Variants in NIPSNAP3B observed in about 807,000 individuals in gnomAD.
The protein encoded by NIPSNAP3B is protein NipSnap homolog 3B.
In NIPSNAP3B, 30 loss-of-function variants were observed where a neutral mutation model predicts 31.5. That is an observed-to-expected ratio of 0.95 (90% CI 0.71 to 1.29). NIPSNAP3B has a LOEUF of 1.29. NIPSNAP3B is among the 50% of genes most tolerant of loss of function. The pLI is 0.00. For synonymous variants in NIPSNAP3B, 106 were observed against 107.9 expected, an observed-to-expected ratio of 0.98 and a Z score of 0.11; for missense variants, 269 against 300.7, an observed-to-expected ratio of 0.89 and a Z score of 0.78.
the NIPSNAP3B span, chr9:104,788,710 C>T: frequency 9.0e-7 from 1 of 1,111,014 alleles, no homozygotes; most frequent in Non-Finnish European, 1.3e-6. Flanking sequence ...CACAGCCTTT[C>T]TGCCCCCAGG....
the NIPSNAP3B span, among the ~76,000 whole-genome samples, chr9:104,787,181 A>G: frequency 6.6e-6 from 1 of 152,204 alleles, no homozygotes; most frequent in Non-Finnish European, 1.5e-5. Flanking sequence ...TGATGCAGGA[A>G]ACTCAAATAT....
At chr9:104,787,399 T>C in the NIPSNAP3B span, among the ~76,000 whole-genome samples, 2 of 152,260 alleles carry the variant, frequency 1.3e-5, no homozygotes, top group East Asian at 3.9e-4. Context: ...ATATTGCAAC[T>C]GTTAGCCTTA....
intron 1 of NIPSNAP3B, 120 bp downstream of exon 1, chr9:104,764,420 C>G (rs1828047403): frequency 2.4e-6 from 2 of 820,790 alleles, no homozygotes; most frequent in Admixed American, 3.3e-5. Context: ...GCGCCGCCGC[C>G]GAAGTTCTAA....
chr9:104,788,899 C>T, the NIPSNAP3B span, among the ~76,000 whole-genome samples: 40,532 of 152,162 alleles, frequency 0.27, 6,312 homozygotes, highest in Non-Finnish European at 0.35. Flanking sequence ...AGGGCTTTAA[C>T]GCTAAGGCCC....
chr9:104,780,649 A>G (rs1828473727), downstream of NIPSNAP3B, among the ~76,000 whole-genome samples: 1 of 152,206 alleles, frequency 6.6e-6, no homozygotes, highest in Non-Finnish European at 1.5e-5. Flanking sequence ...GAATAAACAA[A>G]AGGACACTGA....
chr9:104,782,928 G>GT, the NIPSNAP3B span: 2 of 151,946 alleles, frequency 1.3e-5, no homozygotes, highest in Non-Finnish European at 2.9e-5. Flanking sequence ...TTGTAAACCA[G>GT]TGAGCTGAAT....
At chr9:104,785,534 T>C in the NIPSNAP3B span, 1 of 1,614,142 alleles carries the variant, frequency 6.2e-7, no homozygotes, top group Non-Finnish European at 8.5e-7. Flanking sequence ...GGTGTTTCTC[T>C]TTTAGAACAC....
chr9:104,782,165 T>C (rs947522259), downstream of NIPSNAP3B: 3 of 152,080 alleles, frequency 2.0e-5, no homozygotes, highest in Admixed American at 6.5e-5. Flanking sequence ...TTTTGAAAAA[T>C]ATTAAATGAG....
At chr9:104,772,257 T>A (rs1828238799) in intron 4 of NIPSNAP3B, among the ~76,000 whole-genome samples, 1 of 151,764 alleles carries the variant, frequency 6.6e-6, no homozygotes, top group Non-Finnish European at 1.5e-5. Flanking sequence ...AGATACCATT[T>A]GTCAATTTTT....
the NIPSNAP3B span, chr9:104,784,557 C>G: frequency 2.2e-6 from 3 of 1,379,132 alleles, no homozygotes; most frequent in African/African-American, 2.9e-5. Flanking sequence ...CAAGTAGGAG[C>G]ATACAGAATT....
chr9:104,786,960 C>T, the NIPSNAP3B span: 1 of 1,613,940 alleles, frequency 6.2e-7, no homozygotes, highest in Non-Finnish European at 8.5e-7. Flanking sequence ...GGGATCCATG[C>T]CTGTGGTGGG....
Position 104,769,792 on chromosome 9 carries a change from T to G in NIPSNAP3B, c.430+771T>G, listed in dbSNP as rs544754264. Reference sequence around the variant, plus strand: ...ATCTTTGCTTGTAAACTGACTGTTTTGGGGGAATGAATTAACTTACACTGC... The same window carrying G: ...ATCTTTGCTTGTAAACTGACTGTTTGGGGGGAATGAATTAACTTACACTGC... On this transcript the variant is annotated intron_variant, in intron 3 of 5. Transcript: ENST00000374762. 1.3e-3 allele frequency among the ~76,000 whole-genome samples: 203 copies of G among 152,326 alleles called. 1 individual carries two copies. The highest frequency in any genetic ancestry group is 4.8e-3 in the African/African-American group (198 of 41,584).
chr9:104,787,006 G>T, the NIPSNAP3B span: 13 of 1,566,854 alleles, frequency 8.3e-6, no homozygotes, highest in Non-Finnish European at 1.1e-5. Flanking sequence ...AGTCTTATTT[G>T]CTGGGGGGAA....
Position 104,775,597 on chromosome 9 carries a change from A to G in NIPSNAP3B, c.*2524A>G, listed in dbSNP as rs995733284. ...TGTGTGTGGATAGCTCCTCCAGTCCACACCTCTTTTCTGAATCTTTTTTCA... is the reference window on the plus strand; with the variant it reads ...TGTGTGTGGATAGCTCCTCCAGTCCGCACCTCTTTTCTGAATCTTTTTTCA... On this transcript the variant is annotated 3_prime_UTR_variant, in exon 6 of 6. Coordinates refer to ENST00000374762, the MANE Select transcript of NIPSNAP3B (RefSeq NM_018376.4). Among the ~76,000 whole-genome samples the G allele has an allele frequency of 3.3e-5, 5 of 152,040 alleles. No homozygotes were observed. Among genetic ancestry groups the G allele is most frequent in the African/African-American group, 1.2e-4 (5 of 41,382 alleles).
the NIPSNAP3B span, chr9:104,787,800 C>T: frequency 6.2e-7 from 1 of 1,605,298 alleles, no homozygotes; most frequent in Non-Finnish European, 8.5e-7. Flanking sequence ...CAAGGTTGCT[C>T]TGCTGTCCCT....
chr9:104,767,095 G>A lies in NIPSNAP3B; in HGVS notation c.271+560G>A, dbSNP rs115072951. Among the ~76,000 whole-genome samples, 856 of 151,950 alleles carry A rather than the reference G, an allele frequency of 5.6e-3. 11 individuals carry two copies. The highest frequency in any genetic ancestry group is 0.019 in the African/African-American group (808 of 41,464). ...TTTTTTCTTATTATTGTTACAGCTA[G>A]GGCTGGATATCAGCATTTTTGCAGA... On this transcript the variant is annotated intron_variant, in intron 2 of 5. Coordinates refer to ENST00000374762, the MANE Select transcript of NIPSNAP3B (RefSeq NM_018376.4).
chr9:104,789,300 TG>T, the NIPSNAP3B span, among the ~76,000 whole-genome samples: 1 of 152,192 alleles, frequency 6.6e-6, no homozygotes, highest in South Asian at 2.1e-4. Flanking sequence ...AACCTTACTA[TG>T]GGCTGGTTAT....
Position 104,770,956 on chromosome 9 carries a change from G to A in NIPSNAP3B, c.538G>A (p.Val180Ile). ...NAHVNLGYTK[V>I]VGVFHTEYGE... ...CCATGTCAATTTAGGCTACACAAAA[G>A]TAGTTGGTGTTTTCCACACAGAATA... The change falls in exon 4 of 6, where the codon GTA (valine) becomes ATA (isoleucine). Residue 180 changes from valine to isoleucine, a missense_variant. Physicochemically the swap from Val to Ile is conservative, Grantham distance 29. Coordinates refer to ENST00000374762, the MANE Select transcript of NIPSNAP3B (RefSeq NM_018376.4). 3 of 1,613,922 alleles carry A rather than the reference G, an allele frequency of 1.9e-6. No homozygotes were observed. In the South Asian group the frequency reaches 3.3e-5, roughly 18 times the overall value.
At chr9:104,788,070 G>A in the NIPSNAP3B span, 5 of 1,613,642 alleles carry the variant, frequency 3.1e-6, no homozygotes, top group Non-Finnish European at 4.2e-6. Flanking sequence ...GTGATAAAAA[G>A]CACCTTGACT....
Sources: allele counts gnomAD v4.1 joint callset (sites outside exome capture counted in the v4.1 genomes callset), GRCh38; gene constraint gnomAD v4.1.1; transcripts MANE v1.5; gene names NCBI Gene and HGNC (gene_info 2026-07-23, HGNC 2026-07-21).